Variants in RELCH observed in about 807,000 individuals in gnomAD.
RELCH encodes the protein RAB11-binding protein RELCH.
RELCH carries 41 observed loss-of-function variants against 150.3 expected under a neutral mutation model. The observed-to-expected ratio is 0.27, with a 90% CI of 0.21 to 0.35. The LOEUF is 0.35. Among genes scored for constraint, RELCH ranks in the 10% least tolerant of loss-of-function variants. The pLI, the probability that RELCH is intolerant of heterozygous loss-of-function variation, is 1.00. For missense variants in RELCH, 1,092 were observed against 1,467.8 expected, an observed-to-expected ratio of 0.74 and a Z score of 4.18; for synonymous variants, 478 against 531.8, an observed-to-expected ratio of 0.90 and a Z score of 1.39.
rs541599926 is a variant in RELCH at position 62,298,844 on chromosome 18, G to A, written c.3514G>A (p.Val1172Ile). The A allele has an allele frequency of 1.8e-5, 29 of 1,579,606 alleles. No individual in the cohort carries two copies. Among genetic ancestry groups the A allele is most frequent in the South Asian group, 2.3e-5 (2 of 87,614 alleles). ...TGAACAAAAAGTTGAAAACAAGACCGTCCAAGAGCCTCAAGGGTAAGACAT... is the reference window on the plus strand; with the variant it reads ...TGAACAAAAAGTTGAAAACAAGACCATCCAAGAGCCTCAAGGGTAAGACAT... ...ECEQKVENKT[V>I]QEPQGSMSIA... The change falls in exon 28 of 29, where the codon GTC becomes ATC. Residue 1172 changes from valine to isoleucine, a missense_variant. Val to Ile is a conservative substitution (Grantham distance 29). This residue lies in a region of RELCH where 707 missense variants were observed against 1,025.4 expected (regional missense o/e 0.69). Transcript: ENST00000644646.
intron 16 of RELCH, 151 bp downstream of exon 16, chr18:62,261,809 T>C (rs1318619585): frequency 6.5e-6 from 4 of 613,276 alleles, no homozygotes; most frequent in Non-Finnish European, 1.1e-5. Context: ...GGTCATAAGA[T>C]TATACGTATG....
chr18:62,274,170 A>G, intron 21 of RELCH, 84 bp downstream of exon 21: 1 of 816,122 alleles, frequency 1.2e-6, no homozygotes. Context: ...TAAGTCTAAA[A>G]GAGTTGACAT....
At chr18:62,277,176 G>C (rs529186094) in intron 22 of RELCH, among the ~76,000 whole-genome samples, 120 of 152,002 alleles carry the variant, frequency 7.9e-4, no homozygotes, top group African/African-American at 1.5e-3. Context: ...TTTTTTGCTT[G>C]TTTTGTTTGG....
chr18:62,219,618 G>A (rs2040721449), intron 2 of RELCH, among the ~76,000 whole-genome samples: 1 of 151,746 alleles, frequency 6.6e-6, no homozygotes, highest in Non-Finnish European at 1.5e-5. Context: ...AAGTGTAAAT[G>A]TTAAGGAAAA....
At chr18:62,259,637 T>G (rs1432932275) in intron 15 of RELCH, among the ~76,000 whole-genome samples, 1 of 151,926 alleles carries the variant, frequency 6.6e-6, no homozygotes, top group Non-Finnish European at 1.5e-5. Context: ...AAAAGCAATC[T>G]GAAAATTCAT....
rs556915435 is a variant in RELCH, at chr18:62,205,293, T to C, written c.527-5860T>C. On this transcript the variant is annotated intron_variant, in intron 1 of 28. Transcript: ENST00000644646. Reference sequence around the variant, plus strand: ...ATTTGATAAGTTTGAACAAAGAATGTACCTGTAGTAACCCAAACTCATATT... The same window carrying C: ...ATTTGATAAGTTTGAACAAAGAATGCACCTGTAGTAACCCAAACTCATATT... 2.0e-5 allele frequency among the ~76,000 whole-genome samples: 3 copies of C among 152,336 alleles called. No individual in the cohort carries two copies. The East Asian group carries it at 5.8e-4, about 29-fold the overall frequency.
At chr18:62,221,569 C>A in intron 5 of RELCH, 72 bp downstream of exon 5, 22 of 470,082 alleles carry the variant, frequency 4.7e-5, no homozygotes, top group Non-Finnish European at 7.6e-5. Context: ...TACGTAGTTT[C>A]TTTTTTTTTT....
intron 10 of RELCH, among the ~76,000 whole-genome samples, chr18:62,243,702 G>C (rs1022217279): frequency 1.3e-5 from 2 of 152,030 alleles, no homozygotes; most frequent in African/African-American, 4.8e-5. Flanking sequence ...TACTTCAACA[G>C]TGTAGACTTT....
At chr18:62,267,846 T>C (rs1202532347) in intron 19 of RELCH, among the ~76,000 whole-genome samples, 2 of 151,994 alleles carry the variant, frequency 1.3e-5, no homozygotes, top group East Asian at 1.9e-4. Context: ...CATGAATGTT[T>C]AGCTGTTGAA....
intron 1 of RELCH, among the ~76,000 whole-genome samples, chr18:62,210,251 C>A (rs185581142): frequency 7.6e-4 from 116 of 152,238 alleles, no homozygotes; most frequent in African/African-American, 2.8e-3. Flanking sequence ...TCTTTACTTA[C>A]CCTCCTTGAT....
At chr18:62,268,982 C>A in intron 20 of RELCH, 34 bp downstream of exon 20, 1 of 1,171,840 alleles carries the variant, frequency 8.5e-7, no homozygotes. Flanking sequence ...TAGTAAAAGG[C>A]TTTCCATTTA....
chr18:62,264,003 C>T lies in RELCH; in HGVS notation c.2365C>T (p.Arg789Trp), dbSNP rs535205893. 1.2e-6 allele frequency: 2 copies of T among 1,607,212 alleles called. No individual in the cohort carries two copies. Among genetic ancestry groups the T allele is most frequent in the Admixed American group, 1.7e-5 (1 of 58,818 alleles). Residue 789 changes from arginine to tryptophan, a missense_variant, in exon 17 of 29, where the codon CGG becomes TGG. Transcript: ENST00000644646. ...VPQIEVTRFPRPMSPLQDVST... is the reference protein window; with the variant it reads ...VPQIEVTRFPWPMSPLQDVST... The stretch of plus-strand genomic sequence containing the variant: ...TTTATGTGTAGTGACTAGGTTTCCT[C>T]GGCCTATGTCGCCTCTTCAAGATGT...
intron 13 of RELCH, among the ~76,000 whole-genome samples, chr18:62,256,311 A>G (rs998975661): frequency 6.6e-6 from 1 of 152,052 alleles, no homozygotes; most frequent in Non-Finnish European, 1.5e-5. Flanking sequence ...GACAGCATTC[A>G]TTGCCAGTGG....
At chr18:62,277,709 C>T in intron 22 of RELCH, 1 of 962,676 alleles carries the variant, frequency 1.0e-6, no homozygotes, top group Non-Finnish European at 1.2e-6. Flanking sequence ...GACAGCAGGA[C>T]AAAAAGAGGG....
chr18:62,236,356 C>T (rs887280359), intron 10 of RELCH, among the ~76,000 whole-genome samples: 2 of 151,744 alleles, frequency 1.3e-5, no homozygotes, highest in Non-Finnish European at 2.9e-5. Flanking sequence ...TTGGATCTGT[C>T]GTTAGTATTT....
intron 15 of RELCH, 68 bp from the exon 16 acceptor site, chr18:62,261,443 A>G (rs1017708894): frequency 6.3e-6 from 9 of 1,421,008 alleles, no homozygotes; most frequent in Non-Finnish European, 8.8e-6. Flanking sequence ...GAAGAACATC[A>G]TACATAAATC....
At chr18:62,295,395 G>T (rs1454608048) in intron 27 of RELCH, among the ~76,000 whole-genome samples, 1 of 138,998 alleles carries the variant, frequency 7.2e-6, no homozygotes, top group Non-Finnish European at 1.5e-5. Context: ...CTCAAATATT[G>T]CACTTTTAGC....
chr18:62,270,068 C>G (rs1890927621), intron 20 of RELCH, among the ~76,000 whole-genome samples: 2 of 152,148 alleles, frequency 1.3e-5, no homozygotes, highest in African/African-American at 4.8e-5. Context: ...TGCTGGTGGT[C>G]ACTTCTGTTG....
In RELCH at chr18:62,266,711, A is replaced by G; in HGVS notation, c.2642A>G (p.Gln881Arg). The G allele has an allele frequency of 6.2e-7, 1 of 1,603,084 alleles. No homozygotes were observed. Among genetic ancestry groups the G allele is most frequent in the Non-Finnish European group, 8.5e-7 (1 of 1,172,910 alleles). Residue 881 changes from glutamine (Q) to arginine (R), a missense_variant, in exon 19 of 29, where the codon CAG (glutamine) becomes CGG (arginine). Around this residue, in one of 4 missense-constraint regions of RELCH, gnomAD observed 707 missense variants for 1,025.4 expected, o/e 0.69. Coordinates refer to ENST00000644646, the MANE Select transcript of RELCH (RefSeq NM_001346231.2). ...CTTTGGGTTGCTTAGGTAAAACCTC[A>G]GTTCCAGGAGATTTTAAGACTATCT... ...KIFTNTKVKP[Q>R]FQEILRLSEE...
Sources: allele counts gnomAD v4.1 joint callset (sites outside exome capture counted in the v4.1 genomes callset), GRCh38; gene constraint gnomAD v4.1.1; regional missense constraint gnomAD v4.1.1; transcripts MANE v1.5; gene names NCBI Gene and HGNC (gene_info 2026-07-23, HGNC 2026-07-21).